C10orf90: variants seen among roughly 807,000 people sequenced by gnomAD.
The protein encoded by C10orf90 is (E2-independent) E3 ubiquitin-conjugating enzyme FATS.
Under a neutral mutation model 62.5 loss-of-function variants are expected in C10orf90, and 56 were observed. The observed-to-expected ratio is 0.90, with a 90% CI of 0.72 to 1.12. The LOEUF is 1.12. C10orf90 is among the 50% of genes most tolerant of loss of function. C10orf90 has a pLI of 0.00. For synonymous variants in C10orf90, 386 were observed against 340.4 expected (o/e 1.13, Z -1.47); for missense variants, 970 against 880.4 (o/e 1.10, Z -1.29).
At chr10:126,649,186 T>C (rs1051424133) in intron 1 of C10orf90, among the ~76,000 whole-genome samples, 5 of 151,780 alleles carry the variant, frequency 3.3e-5, no homozygotes, top group Non-Finnish European at 7.4e-5. Flanking sequence ...TGTGCACTAT[T>C]GATTCAAGAA....
intron 2 of C10orf90, among the ~76,000 whole-genome samples, chr10:126,547,470 C>A (rs527428484): frequency 8.0e-6 from 1 of 125,116 alleles, no homozygotes; most frequent in South Asian, 2.7e-4. Context: ...TTCATCACAA[C>A]AAGAACCAGA....
chr10:126,570,784 C>T (rs955192066), intron 2 of C10orf90, among the ~76,000 whole-genome samples: 1 of 152,176 alleles, frequency 6.6e-6, no homozygotes, highest in African/African-American at 2.4e-5. Flanking sequence ...TAAATATCCC[C>T]TATGTTTCAT....
At chr10:126,547,744 A>G (rs1041197486) in intron 2 of C10orf90, among the ~76,000 whole-genome samples, 2 of 152,162 alleles carry the variant, frequency 1.3e-5, no homozygotes, top group Admixed American at 1.3e-4. Context: ...CAAAAAGCTC[A>G]GTAAAGAAGC....
intron 2 of C10orf90, among the ~76,000 whole-genome samples, chr10:126,539,841 A>G (rs1427889346): frequency 2.0e-5 from 3 of 152,234 alleles, no homozygotes; most frequent in Admixed American, 6.5e-5. Flanking sequence ...AAAACTTTAG[A>G]TGCTAGGAAG....
At chr10:126,605,102 G>T (rs771947420) in intron 2 of C10orf90, among the ~76,000 whole-genome samples, 1 of 152,166 alleles carries the variant, frequency 6.6e-6, no homozygotes, top group Non-Finnish European at 1.5e-5. Context: ...ATCATTTAAT[G>T]GCCATTTTAA....
chr10:126,566,202 A>T (rs1343948144), intron 2 of C10orf90, among the ~76,000 whole-genome samples: 1 of 152,178 alleles, frequency 6.6e-6, no homozygotes, highest in African/African-American at 2.4e-5. Flanking sequence ...CACGATCATG[A>T]TACTTACAGA....
intron 4 of C10orf90, chr10:126,470,002 G>C (rs936134416): frequency 2.2e-6 from 1 of 456,720 alleles, no homozygotes; most frequent in Non-Finnish European, 4.4e-6. Flanking sequence ...TGCATGTTGT[G>C]TCCTGCAGTG....
chr10:126,513,639 C>T (rs1266572536), intron 3 of C10orf90, among the ~76,000 whole-genome samples: 1 of 152,108 alleles, frequency 6.6e-6, no homozygotes, highest in Non-Finnish European at 1.5e-5. Context: ...GGAGCAATTG[C>T]CATATTCTAA....
chr10:126,499,145 T>G (rs1862243468), intron 4 of C10orf90, among the ~76,000 whole-genome samples: 1 of 152,218 alleles, frequency 6.6e-6, no homozygotes, highest in Admixed American at 6.5e-5. Context: ...ATTTATGCAT[T>G]GTTGATGGCT....
chr10:126,539,370 G>C (rs1034242546), intron 2 of C10orf90, among the ~76,000 whole-genome samples: 12 of 152,150 alleles, frequency 7.9e-5, no homozygotes, highest in African/African-American at 2.9e-4. Context: ...TAAACATATG[G>C]GGGGAGGATG....
At chr10:126,512,340 G>T (rs1032185614) in intron 3 of C10orf90, among the ~76,000 whole-genome samples, 1 of 60,786 alleles carries the variant, frequency 1.6e-5, no homozygotes, top group Non-Finnish European at 3.4e-5. Context: ...GTGTGTGTAT[G>T]TGTGTGTGTC....
At chr10:126,600,268 T>C (rs1249678801) in intron 2 of C10orf90, among the ~76,000 whole-genome samples, 2 of 152,214 alleles carry the variant, frequency 1.3e-5, no homozygotes, top group Non-Finnish European at 2.9e-5. Context: ...GGCGTTGGCA[T>C]GCGGAGTGCA....
intron 2 of C10orf90, among the ~76,000 whole-genome samples, chr10:126,598,486 A>G (rs1028504972): frequency 6.6e-6 from 1 of 152,148 alleles, no homozygotes; most frequent in African/African-American, 2.4e-5. Context: ...CTGGAACAAA[A>G]TCTGCCTTGC....
At chr10:126,506,442 C>T (rs1227586994) in intron 3 of C10orf90, among the ~76,000 whole-genome samples, 1 of 152,262 alleles carries the variant, frequency 6.6e-6, no homozygotes, top group Non-Finnish European at 1.5e-5. Flanking sequence ...ATATATGTAA[C>T]CGCTAAGCTC....
At chr10:126,430,626 C>A (rs761268894) in intron 7 of C10orf90, among the ~76,000 whole-genome samples, 1 of 152,148 alleles carries the variant, frequency 6.6e-6, no homozygotes, top group African/African-American at 2.4e-5. Flanking sequence ...TGTAAATGCT[C>A]CTGGGGTGCT....
intron 2 of C10orf90, among the ~76,000 whole-genome samples, chr10:126,640,228 G>T (rs35721168): frequency 2.0e-5 from 3 of 152,176 alleles, no homozygotes; most frequent in Non-Finnish European, 2.9e-5. Flanking sequence ...AGCCACTTCT[G>T]GGGGAGCCTC....
Position 126,504,482 on chromosome 10 carries a change from G to C in C10orf90, c.1009C>G (p.Leu337Val). 2 of 1,614,216 alleles carry C rather than the reference G, an allele frequency of 1.2e-6. No homozygotes were observed. The highest frequency in any genetic ancestry group is 1.6e-4 in the Middle Eastern group (1 of 6,062). The change falls in exon 4 of 10, where the codon CTG becomes GTG. Residue 337 changes from leucine (L) to valine (V), a missense_variant. Coordinates refer to ENST00000488181, the MANE Select transcript of C10orf90 (RefSeq NM_001350921.2). The surrounding 1 kb of genome is among the most constrained non-coding windows in gnomAD (Gnocchi z 4.1). ...AACACCAGCGGGCTCTTTCCTGACA[G>C]TGGGGTGTCTGGAGAAAAACTGGTC... Reference protein sequence around the residue: ...KETSFSPDTPLSGKSPLVFSS... With the variant: ...KETSFSPDTPVSGKSPLVFSS...
At chr10:126,465,528 C>T (rs529093418) in intron 4 of C10orf90, among the ~76,000 whole-genome samples, 6 of 152,162 alleles carry the variant, frequency 3.9e-5, no homozygotes, top group African/African-American at 1.4e-4. Flanking sequence ...GTGGTTAGCA[C>T]AGTACCTGAT....
At chr10:126,537,452 C>G (rs1864267580) in intron 2 of C10orf90, among the ~76,000 whole-genome samples, 1 of 152,176 alleles carries the variant, frequency 6.6e-6, no homozygotes, top group Non-Finnish European at 1.5e-5. Flanking sequence ...AACGGAACAT[C>G]TTTAATAGAC....
Sources: allele counts gnomAD v4.1 joint callset (sites outside exome capture counted in the v4.1 genomes callset), GRCh38; gene constraint gnomAD v4.1.1; non-coding constraint Gnocchi (gnomAD v3.1); transcripts MANE v1.5; gene names NCBI Gene and HGNC (gene_info 2026-07-23, HGNC 2026-07-21).